The following OR10H3 variants were observed in gnomAD, a reference collection of about 807,000 sequenced individuals.
OR10H3 encodes the protein olfactory receptor 10H3.
Under a neutral mutation model 11.1 loss-of-function variants are expected in OR10H3, and 15 were observed. That is an observed-to-expected ratio of 1.36 (90% CI 0.91 to 2.09). OR10H3 has a LOEUF of 2.09. OR10H3 is among the 30% of genes most tolerant of loss of function. The pLI, the probability that OR10H3 is intolerant of heterozygous loss-of-function variation, is 0.00. For missense variants in OR10H3, 403 were observed against 391.5 expected (o/e 1.03, Z -0.25); for synonymous variants, 149 against 142.1 (o/e 1.05, Z -0.35).
In OR10H3 at chr19:15,738,003, A is replaced by G. The variant is rs1600056326; in HGVS notation, c.-60A>G. The G allele has an allele frequency of 6.6e-6, 1 of 152,648 alleles. No homozygotes were observed. The highest frequency in any genetic ancestry group is 1.9e-4 in the East Asian group (1 of 5,196). 9.5% of individuals were successfully genotyped at this position (152,648 alleles called of 1,614,324 possible). A position where few individuals can be genotyped will look rare whatever the true frequency, so the allele number is the denominator to read the frequency against. Reference sequence around the variant, plus strand: ...ATAACTTGTTTCTTTCCCTTACCTTATACCATCACTCACGAATTTCAGCTC... The same window carrying G: ...ATAACTTGTTTCTTTCCCTTACCTTGTACCATCACTCACGAATTTCAGCTC... On this transcript the variant is annotated 5_prime_UTR_variant, in exon 1 of 2. Coordinates refer to ENST00000641646, the MANE Select transcript of OR10H3 (RefSeq NM_013938.2).
intron 1 of OR10H3, among the ~76,000 whole-genome samples, chr19:15,738,712 C>A (rs2008666931): frequency 1.3e-5 from 2 of 151,606 alleles, no homozygotes; most frequent in Admixed American, 1.3e-4. Flanking sequence ...ATATAGCATC[C>A]CCTTTTTTCT....
chr19:15,739,019 T>C (rs1190302445), intron 1 of OR10H3, among the ~76,000 whole-genome samples: 1 of 152,102 alleles, frequency 6.6e-6, no homozygotes, highest in Non-Finnish European at 1.5e-5. Flanking sequence ...GGTTAAAATG[T>C]TGACATTCAA....
chr19:15,742,109 T>C lies in OR10H3; in HGVS notation c.717T>C (p.Thr239=). Residue 239 remains threonine (T), a synonymous_variant, in exon 2 of 2, where the codon ACT becomes ACC. Coordinates refer to ENST00000641646, the MANE Select transcript of OR10H3 (RefSeq NM_013938.2). Reference sequence around the variant, plus strand: ...CTTCTGCTGAGGGCCGGCACAAGACTTTCTCCACTTGTGTATCCCACCTCA... The same window carrying C: ...CTTCTGCTGAGGGCCGGCACAAGACCTTCTCCACTTGTGTATCCCACCTCA... The part of the protein sequence containing the change: ...RIPSAEGRHK[T]FSTCVSHLTV... 6.2e-7 allele frequency: 1 copy of C among 1,614,206 alleles called. No individual in the cohort carries two copies. Among genetic ancestry groups the C allele is most frequent in the East Asian group, 2.2e-5 (1 of 44,884 alleles).
At chr19:15,739,452 AGGCT>A (rs1338242649) in intron 1 of OR10H3, among the ~76,000 whole-genome samples, 10 of 152,146 alleles carry the variant, frequency 6.6e-5, no homozygotes, top group Non-Finnish European at 8.8e-5. Context: ...GCACTTTGGG[AGGCT>A]GAGGTGGGCG....
In OR10H3 at chr19:15,741,397, C is replaced by A. The variant is rs1404517566; in HGVS notation, c.5C>A (p.Pro2His). The A allele has an allele frequency of 1.9e-6, 3 of 1,608,084 alleles. No individual in the cohort carries two copies. The highest frequency in any genetic ancestry group is 2.6e-6 in the Non-Finnish European group (3 of 1,174,812). Reference protein sequence around the residue: MPGQNYRTISEF... With the variant: MHGQNYRTISEF... ...ATCTCACCAGATACAGTATCCATGC[C>A]TGGTCAGAACTACAGAACCATATCT... The change falls in exon 2 of 2, where the codon CCT (proline) becomes CAT (histidine). Residue 2 changes from proline to histidine, a missense_variant. Physicochemically the swap from Pro to His is moderately conservative, Grantham distance 77. Coordinates refer to ENST00000641646, the MANE Select transcript of OR10H3 (RefSeq NM_013938.2).
rs144612710 is a variant in OR10H3, at chr19:15,742,089, G to T, written c.697G>T (p.Ala233Ser). 1 of 1,614,012 alleles carries T rather than the reference G, an allele frequency of 6.2e-7. No homozygotes were observed. ...IVAAILRIPS[A>S]EGRHKTFSTC... The stretch of plus-strand genomic sequence containing the variant: ...GGCTGCCATCTTGAGGATTCCTTCT[G>T]CTGAGGGCCGGCACAAGACTTTCTC... Residue 233 changes from alanine (A) to serine (S), a missense_variant, in exon 2 of 2, where the codon GCT becomes TCT. Ala to Ser is a moderately conservative substitution (Grantham distance 99, BLOSUM62 1). Coordinates refer to ENST00000641646, the MANE Select transcript of OR10H3 (RefSeq NM_013938.2).
rs1292775100 is a variant in OR10H3 at position 15,741,843 on chromosome 19, G to T, written c.451G>T (p.Ala151Ser). 3 of 1,614,188 alleles carry T rather than the reference G, an allele frequency of 1.9e-6. No individual in the cohort carries two copies. The change falls in exon 2 of 2, where the codon GCT becomes TCT. Residue 151 changes from alanine to serine, a missense_variant. Coordinates refer to ENST00000641646, the MANE Select transcript of OR10H3 (RefSeq NM_013938.2). ...TGCCCATCTTGTGGCCTGGACCTGGGCTGGTGGCTCGGTCATGGGGATGAT... is the reference window on the plus strand; with the variant it reads ...TGCCCATCTTGTGGCCTGGACCTGGTCTGGTGGCTCGGTCATGGGGATGAT... ...GCAHLVAWTW[A>S]GGSVMGMMVT...
At chr19:15,739,729 T>C (rs1025860677) in intron 1 of OR10H3, among the ~76,000 whole-genome samples, 5 of 152,140 alleles carry the variant, frequency 3.3e-5, no homozygotes, top group African/African-American at 1.2e-4. Context: ...TTTGGCTATT[T>C]CTATCTATCT....
Position 15,742,221 on chromosome 19 carries a change from G to A in OR10H3, c.829G>A (p.Ala277Thr). ...TTCTATGTACAGTGATGCCTTGATG[G>A]CCACCACCTATACTGTCTTCACCCC... ...LHSMYSDALM[A>T]TTYTVFTPFL... is the part of the protein sequence containing the mutation. The change falls in exon 2 of 2, where the codon GCC (alanine) becomes ACC (threonine). Residue 277 changes from alanine to threonine, a missense_variant. Coordinates refer to ENST00000641646, the MANE Select transcript of OR10H3 (RefSeq NM_013938.2). 3.1e-6 allele frequency: 5 copies of A among 1,613,980 alleles called. No homozygotes were observed. The highest frequency in any genetic ancestry group is 1.1e-5 in the South Asian group (1 of 91,082).
chr19:15,740,399 C>T (rs190758015), intron 1 of OR10H3, among the ~76,000 whole-genome samples: 86 of 152,202 alleles, frequency 5.7e-4, no homozygotes, highest in Non-Finnish European at 1.0e-3. Flanking sequence ...TCAACTAGTC[C>T]CCTATGTTGC....
chr19:15,738,701 C>T (rs776097038), intron 1 of OR10H3, among the ~76,000 whole-genome samples: 5 of 151,842 alleles, frequency 3.3e-5, no homozygotes, highest in Non-Finnish European at 7.4e-5. Context: ...CTTATTTGAG[C>T]ATATAGCATC....
chr19:15,738,253 C>A (rs952487253), intron 1 of OR10H3, among the ~76,000 whole-genome samples: 12 of 151,954 alleles, frequency 7.9e-5, no homozygotes, highest in Non-Finnish European at 1.8e-4. Context: ...TTGAAATAAT[C>A]ATGATTTTTC....
rs1301922013 is a variant in OR10H3, at chr19:15,741,817, G to A, written c.425G>A (p.Cys142Tyr). The change falls in exon 2 of 2, where the codon TGT becomes TAT. Residue 142 changes from cysteine to tyrosine, a missense_variant. Coordinates refer to ENST00000641646, the MANE Select transcript of OR10H3 (RefSeq NM_013938.2). ...AACATGCTAATGAGTCCCCGTGGCT[G>A]TGCCCATCTTGTGGCCTGGACCTGG... ...HYNMLMSPRG[C>Y]AHLVAWTWAG... 6.2e-7 allele frequency: 1 copy of A among 1,614,106 alleles called. No individual in the cohort carries two copies. Among genetic ancestry groups the A allele is most frequent in the African/African-American group, 1.3e-5 (1 of 74,938 alleles).
At chr19:15,740,438 T>C (rs544074582) in intron 1 of OR10H3, among the ~76,000 whole-genome samples, 3 of 152,352 alleles carry the variant, frequency 2.0e-5, no homozygotes, top group East Asian at 1.9e-4. Context: ...GGAATCTCTC[T>C]TATCCTTTCA....
At chr19:15,739,813 C>A (rs1205751957) in intron 1 of OR10H3, among the ~76,000 whole-genome samples, 1 of 151,986 alleles carries the variant, frequency 6.6e-6, no homozygotes, top group African/African-American at 2.4e-5. Context: ...AGTATTGATG[C>A]TGTTTGCTAT....
In OR10H3 at chr19:15,741,765, G is replaced by C. The variant is rs772792394; in HGVS notation, c.373G>C (p.Val125Leu). ...LLMVMGYDHYVTICHPLHYNM... is the reference protein window; with the variant it reads ...LLMVMGYDHYLTICHPLHYNM... ...CATGGTCATGGGCTATGATCACTAC[G>C]TGACCATCTGCCACCCACTGCATTA... The change falls in exon 2 of 2, where the codon GTG becomes CTG. Residue 125 changes from valine to leucine, a missense_variant. Val to Leu is a conservative substitution (Grantham distance 32). Transcript: ENST00000641646. The C allele has an allele frequency of 1.2e-6, 2 of 1,614,044 alleles. No individual in the cohort carries two copies. Among genetic ancestry groups the C allele is most frequent in the Middle Eastern group, 3.3e-4 (2 of 6,062 alleles).
chr19:15,738,337 A>C (rs1458060290), intron 1 of OR10H3, among the ~76,000 whole-genome samples: 1 of 152,210 alleles, frequency 6.6e-6, no homozygotes, highest in Non-Finnish European at 1.5e-5. Context: ...TTTATGGAAT[A>C]AACCAATGCC....
chr19:15,740,225 G>A (rs1169429847), intron 1 of OR10H3, among the ~76,000 whole-genome samples: 1 of 152,134 alleles, frequency 6.6e-6, no homozygotes, highest in Non-Finnish European at 1.5e-5. Context: ...TCCTACTACT[G>A]CACTGTAACC....
rs2008698549 is a variant in OR10H3, at chr19:15,741,562, A to G, written c.170A>G (p.His57Arg). The change falls in exon 2 of 2, where the codon CAC becomes CGC. Residue 57 changes from histidine to arginine, a missense_variant. Coordinates refer to ENST00000641646, the MANE Select transcript of OR10H3 (RefSeq NM_013938.2). The part of the protein sequence containing the change: ...MATVWIERRL[H>R]TPMYLFLCAL... ...ACAGTTTGGATTGAACGCAGACTCC[A>G]CACACCCATGTACCTCTTCTTGTGT... 1 of 1,614,172 alleles carries G rather than the reference A, an allele frequency of 6.2e-7. No individual in the cohort carries two copies. Among genetic ancestry groups the G allele is most frequent in the Non-Finnish European group, 8.5e-7 (1 of 1,180,016 alleles).
Sources: gnomAD v4.1 joint callset for allele counts (sites outside exome capture counted in the v4.1 genomes callset) on GRCh38, gnomAD v4.1.1 for gene constraint, MANE v1.5 for transcripts, NCBI Gene and HGNC (gene_info 2026-07-23, HGNC 2026-07-21) for gene names.